The following ANO1 variants were observed in gnomAD, a reference collection of about 807,000 sequenced individuals.
ANO1 encodes the protein anoctamin 1.
In ANO1, 59 loss-of-function variants were observed where a neutral mutation model predicts 124.0. That is an observed-to-expected ratio of 0.48 (90% CI 0.39 to 0.59). ANO1 has a LOEUF of 0.59. Ranked by LOEUF, ANO1 falls within the 20% of genes least tolerant of loss-of-function variation. The pLI, the probability that ANO1 is intolerant of heterozygous loss-of-function variation, is 0.00. For missense variants in ANO1, 1,059 were observed against 1,328.0 expected (o/e 0.80, Z 3.15); for synonymous variants, 529 against 532.0 (o/e 0.99, Z 0.08).
chr11:70,025,851 G>T (rs111200395), intron 1 of ANO1, among the ~76,000 whole-genome samples: 26,799 of 124,152 alleles, frequency 0.22, 1,821 homozygotes, highest in East Asian at 0.37. Flanking sequence ...GATGATGGTG[G>T]TGGTGATGGT....
chr11:70,187,386 G>A (rs1018093407), intron 25 of ANO1, among the ~76,000 whole-genome samples: 5 of 152,208 alleles, frequency 3.3e-5, no homozygotes, highest in Non-Finnish European at 5.9e-5. Flanking sequence ...TCCATTTGTG[G>A]CTATTTCCAG....
At chr11:69,995,388 T>A (rs923148107) in intron 1 of ANO1, among the ~76,000 whole-genome samples, 2 of 152,146 alleles carry the variant, frequency 1.3e-5, no homozygotes, top group Non-Finnish European at 2.9e-5. Flanking sequence ...TGAGCCACCA[T>A]GCCCGGCCAC....
chr11:70,069,701 A>G (rs1857820853), intron 1 of ANO1, among the ~76,000 whole-genome samples: 1 of 152,128 alleles, frequency 6.6e-6, no homozygotes, highest in Non-Finnish European at 1.5e-5. Context: ...TTGGAAAACG[A>G]TAATCTACGT....
At chr11:70,170,801 G>A (rs2048434044) in intron 21 of ANO1, 86 bp from the exon 22 acceptor site, 4 of 1,508,022 alleles carry the variant, frequency 2.7e-6, no homozygotes, top group Admixed American at 2.0e-5. Flanking sequence ...AGCCAGACCT[G>A]TGCGGCTCGG....
In ANO1 at chr11:70,182,459, G is replaced by T. The variant is rs370200178; in HGVS notation, c.2404-43G>T. 4 of 1,452,152 alleles carry T rather than the reference G, an allele frequency of 2.8e-6. No individual in the cohort carries two copies. The South Asian group carries it at 4.6e-5, about 17-fold the overall frequency. 90.0% of individuals were successfully genotyped at this position (1,452,152 alleles called of 1,614,324 possible). On this transcript the variant is annotated intron_variant, in intron 23 of 25. Transcript: ENST00000355303. ...CCCCTGTTGCGGCCGGCCCTTCTGC[G>T]CCCAGGCTGGGGGTCCCCCTCACTG... is the stretch of plus-strand genomic sequence containing the variant.
the ANO1 span, among the ~76,000 whole-genome samples, chr11:69,969,677 G>A: frequency 8.5e-5 from 13 of 152,168 alleles, no homozygotes; most frequent in African/African-American, 2.4e-4. Context: ...GGCCAGGCAC[G>A]GTGGCTCACA....
chr11:70,039,983 A>T (rs1255588311), intron 1 of ANO1, among the ~76,000 whole-genome samples: 1 of 152,140 alleles, frequency 6.6e-6, no homozygotes, highest in Non-Finnish European at 1.5e-5. Flanking sequence ...TAGCAGAGCA[A>T]ATCGATCAGT....
upstream of ANO1, among the ~76,000 whole-genome samples, chr11:69,985,379 A>T (rs1856017645): frequency 1.3e-5 from 2 of 152,032 alleles, no homozygotes; most frequent in African/African-American, 4.8e-5. Context: ...TCTGGATTCA[A>T]GTTCAGGACC....
chr11:70,142,692 C>T (rs1211985398), intron 11 of ANO1, among the ~76,000 whole-genome samples: 1 of 152,210 alleles, frequency 6.6e-6, no homozygotes, highest in Admixed American at 6.5e-5. Context: ...TAACCAAATA[C>T]CACGGACAGG....
At chr11:70,010,024 T>C (rs145617646) in intron 1 of ANO1, among the ~76,000 whole-genome samples, 1 of 151,902 alleles carries the variant, frequency 6.6e-6, no homozygotes, top group East Asian at 1.9e-4. Context: ...CATACAATGT[T>C]TGGTTTTCCA....
Position 70,095,388 on chromosome 11 carries a change from AAG to A in ANO1, c.441+7306_441+7307del, listed in dbSNP as rs1295690048. On this transcript the variant is annotated intron_variant, in intron 2 of 25. Transcript: ENST00000355303. ...AAAGAAAGAAAGAAAGAAAGAAAGA[AAG>A]AAAGAAAGAAAGAAAGAAAGAAAGA... Among the ~76,000 whole-genome samples, 6 of 37,206 alleles carry A rather than the reference AAG, an allele frequency of 1.6e-4. 1 individual carries two copies. The highest frequency in any genetic ancestry group is 1.0e-3 in the Admixed American group (3 of 2,950). The allele number at this position is 37,206 out of a possible 152,430, so 24.4% of individuals were successfully genotyped here. A position where few individuals can be genotyped will look rare whatever the true frequency, so the allele number is the denominator to read the frequency against.
At chr11:69,969,313 TA>T in the ANO1 span, among the ~76,000 whole-genome samples, 24 of 152,286 alleles carry the variant, frequency 1.6e-4, no homozygotes, top group African/African-American at 5.5e-4. Flanking sequence ...GTAGGAGAAC[TA>T]CATGATCTGG....
chr11:70,033,490 G>A (rs935753499), intron 1 of ANO1, among the ~76,000 whole-genome samples: 22 of 152,132 alleles, frequency 1.4e-4, no homozygotes, highest in African/African-American at 3.4e-4. Context: ...CTCTGATATC[G>A]TGTTGCACTA....
the ANO1 span, among the ~76,000 whole-genome samples, chr11:69,972,912 C>CTTTTTTTT: frequency 2.8e-5 from 4 of 144,372 alleles, no homozygotes; most frequent in Admixed American, 7.0e-5. Context: ...TTTTCTTTTT[C>CTTTTTTTT]TTTCTTTTTT....
At chr11:70,014,275 C>T (rs1856659179) in intron 1 of ANO1, among the ~76,000 whole-genome samples, 1 of 118,718 alleles carries the variant, frequency 8.4e-6, no homozygotes, top group Middle Eastern at 4.1e-3. Flanking sequence ...CCCCCCACCC[C>T]CCCACCAAGG....
At chr11:70,144,914 C>T (rs2047300891) in intron 11 of ANO1, among the ~76,000 whole-genome samples, 3 of 152,150 alleles carry the variant, frequency 2.0e-5, no homozygotes, top group South Asian at 2.1e-4. Context: ...GTCGTCCCTG[C>T]GTGGAGGGGG....
chr11:70,023,690 T>C (rs1856843544), intron 1 of ANO1, among the ~76,000 whole-genome samples: 1 of 152,178 alleles, frequency 6.6e-6, no homozygotes, highest in South Asian at 2.1e-4. Flanking sequence ...TTTTAAGAAA[T>C]GCCAAATATT....
At chr11:70,102,923 T>G (rs1026645004) in intron 2 of ANO1, 143 bp from the exon 3 acceptor site, 3 of 624,114 alleles carry the variant, frequency 4.8e-6, no homozygotes, top group Middle Eastern at 4.3e-4. Flanking sequence ...CCTCAAAGTG[T>G]TGTCAACGTG....
chr11:69,969,436 C>T, the ANO1 span, among the ~76,000 whole-genome samples: 2 of 152,172 alleles, frequency 1.3e-5, no homozygotes. Context: ...CCTGGAAGGA[C>T]TGGAGTCAAG....
Sources: allele counts gnomAD v4.1 joint callset (sites outside exome capture counted in the v4.1 genomes callset), GRCh38; gene constraint gnomAD v4.1.1; transcripts MANE v1.5; gene names NCBI Gene and HGNC (gene_info 2026-07-23, HGNC 2026-07-21).